SFT2D1: variants seen among roughly 807,000 people sequenced by gnomAD.
SFT2D1 encodes the protein SFT2 domain containing 1, also known as vesicle transport protein SFT2A.
SFT2D1 carries 24 observed loss-of-function variants against 28.1 expected under a neutral mutation model. The observed-to-expected ratio is 0.85, with a 90% CI of 0.62 to 1.20. The LOEUF (loss-of-function observed/expected upper bound fraction) is 1.20, where lower values mean the gene tolerates loss of function less well. Ranked by LOEUF, SFT2D1 falls within the 50% of genes most tolerant of loss-of-function variation. The pLI is 0.00. For synonymous variants in SFT2D1, 82 were observed against 73.7 expected (o/e 1.11, Z -0.58); for missense variants, 181 against 190.9 (o/e 0.95, Z 0.31).
At chr6:166,325,563 C>CTCT (rs562721644) in intron 5 of SFT2D1, among the ~76,000 whole-genome samples, 20 of 152,358 alleles carry the variant, frequency 1.3e-4, no homozygotes, top group African/African-American at 4.8e-4. Flanking sequence ...TTCTGGCCCT[C>CTCT]TCTATTGGTT....
chr6:166,342,314 T>C, intron 1 of SFT2D1, 105 bp downstream of exon 1: 2 of 1,003,504 alleles, frequency 2.0e-6, no homozygotes, highest in Middle Eastern at 3.2e-4. Context: ...GGCAGAGGAG[T>C]CCCAGACCCC....
chr6:166,342,455 G>A lies in SFT2D1; in HGVS notation c.27C>T (p.Ser9=), dbSNP rs1304336620. ...GGCCCTGCTCCTCGTCGTCCTGGCC[G>A]CTCAGGACTCGCCGCAGCTTCTCCA... is the stretch of plus-strand genomic sequence containing the variant. MEKLRRVL[S]GQDDEEQGLT... The change falls in exon 1 of 8, where the codon AGC becomes AGT. Residue 9 remains serine (S), a synonymous_variant. Coordinates refer to ENST00000361731, the MANE Select transcript of SFT2D1 (RefSeq NM_145169.3). 6.4e-7 allele frequency: 1 copy of A among 1,558,826 alleles called. No homozygotes were observed. Among genetic ancestry groups the A allele is most frequent in the Middle Eastern group, 1.7e-4 (1 of 5,996 alleles).
chr6:166,324,258 T>C, intron 6 of SFT2D1: 1 of 330,080 alleles, frequency 3.0e-6, no homozygotes, highest in Non-Finnish European at 5.5e-6. Flanking sequence ...TGGCATCACC[T>C]ACTTTTCTTA....
At chr6:166,322,714 A>C in intron 7 of SFT2D1, 143 bp downstream of exon 7, 2 of 572,852 alleles carry the variant, frequency 3.5e-6, no homozygotes, top group South Asian at 4.4e-5. Flanking sequence ...AAAAAAAAGT[A>C]TGTTTATTTC....
intron 3 of SFT2D1, among the ~76,000 whole-genome samples, chr6:166,328,589 G>A (rs561821591): frequency 2.0e-4 from 31 of 152,276 alleles, no homozygotes; most frequent in Non-Finnish European, 2.9e-5. Flanking sequence ...GTGTTAGTAT[G>A]AAGACCGGAC....
Position 166,324,564 on chromosome 6 carries a change from CA to C in SFT2D1, c.382del (p.Cys128AlafsTer8), listed in dbSNP as rs1778410668. 6.2e-7 allele frequency: 1 copy of C among 1,612,622 alleles called. No individual in the cohort carries two copies. The highest frequency in any genetic ancestry group is 8.5e-7 in the Non-Finnish European group (1 of 1,179,768). ...WHKKGLAVLF[C>X]ILQFLSMTWY... is the part of the protein sequence containing the mutation. ...GGTCATTGACAAGAACTGCAATATG[CA>C]GAATAACACAGCCAGTCCCTTCTTA... On this transcript the variant is annotated frameshift_variant, in exon 6 of 8. Transcript: ENST00000361731. LOFTEE classifies it high-confidence loss of function.
chr6:166,323,076 C>T, intron 6 of SFT2D1, 190 bp from the exon 7 acceptor site: 1 of 490,130 alleles, frequency 2.0e-6, no homozygotes, highest in Non-Finnish European at 3.6e-6. Context: ...TTAGGTCCTA[C>T]CTTAAACCTC....
At chr6:166,337,688 T>C (rs1778683909) in intron 1 of SFT2D1, among the ~76,000 whole-genome samples, 1 of 152,226 alleles carries the variant, frequency 6.6e-6, no homozygotes, top group Non-Finnish European at 1.5e-5. Context: ...TTAAATTGTT[T>C]ATTAGGCATT....
chr6:166,342,204 G>GGT (rs1554263755), intron 1 of SFT2D1, among the ~76,000 whole-genome samples: 1 of 152,132 alleles, frequency 6.6e-6, no homozygotes, highest in Non-Finnish European at 1.5e-5. Context: ...GAGAGTCGGG[G>GGT]GGGGGCCTCA....
intron 1 of SFT2D1, among the ~76,000 whole-genome samples, chr6:166,337,679 TA>T (rs759027928): frequency 2.8e-4 from 42 of 152,182 alleles, no homozygotes; most frequent in Admixed American, 1.1e-3. Context: ...AGAGAGAGCT[TA>T]AATTGTTTAT....
In SFT2D1 at chr6:166,322,807, G is replaced by A. The variant is rs1489576735; in HGVS notation, c.440+50C>T. On this transcript the variant is annotated intron_variant, in intron 7 of 7. Transcript: ENST00000361731. ...AAATTACTTAAATTCATATATTTGT[G>A]TGAAGATAAGTAAAGAACCAGAAAG... 4.8e-6 allele frequency: 7 copies of A among 1,464,678 alleles called. No homozygotes were observed. The East Asian group carries it at 1.1e-4, about 24-fold the overall frequency. The allele number at this position is 1,464,678 out of a possible 1,614,324, so 90.7% of individuals were successfully genotyped here. A position where few individuals can be genotyped will look rare whatever the true frequency, so the allele number is the denominator to read the frequency against.
At position 166,320,178 on chromosome 6, in the gene SFT2D1, A is replaced by G. The variant is rs1439675687; in HGVS notation, c.*39T>C. On this transcript the variant is annotated 3_prime_UTR_variant, in exon 8 of 8. Coordinates refer to ENST00000361731, the MANE Select transcript of SFT2D1 (RefSeq NM_145169.3). ...AAGCAAACTTCACCAAACATAGAGT[A>G]CCAACATTCAAGTGCTCTTTTCCAC... The G allele has an allele frequency of 3.8e-6, 6 of 1,599,228 alleles. No individual in the cohort carries two copies. The highest frequency in any genetic ancestry group is 5.1e-6 in the Non-Finnish European group (6 of 1,169,180).
chr6:166,321,079 C>A (rs1174912282), intron 7 of SFT2D1, among the ~76,000 whole-genome samples: 1 of 151,874 alleles, frequency 6.6e-6, no homozygotes, highest in Non-Finnish European at 1.5e-5. Context: ...CCATTGTACT[C>A]CAGCCTGGGT....
chr6:166,331,267 T>G (rs939666213), intron 1 of SFT2D1: 3 of 152,666 alleles, frequency 2.0e-5, no homozygotes, highest in South Asian at 2.1e-4. Context: ...AAATTTCTAA[T>G]TTATACTACC....
At chr6:166,323,928 C>T (rs533537358) in intron 6 of SFT2D1, 2 of 151,982 alleles carry the variant, frequency 1.3e-5, no homozygotes, top group Admixed American at 6.6e-5. Flanking sequence ...ATCACTTGAA[C>T]CCGGGAGGCA....
chr6:166,332,042 TG>T (rs1184709326), intron 1 of SFT2D1, among the ~76,000 whole-genome samples: 1 of 152,246 alleles, frequency 6.6e-6, no homozygotes, highest in Non-Finnish European at 1.5e-5. Context: ...TTCCGTGTAT[TG>T]ATCTTTAAAA....
chr6:166,340,141 C>T (rs1778749588), intron 1 of SFT2D1, among the ~76,000 whole-genome samples: 1 of 152,244 alleles, frequency 6.6e-6, no homozygotes, highest in Non-Finnish European at 1.5e-5. Context: ...TTTACAGAAT[C>T]TGACCACTTT....
intron 1 of SFT2D1, among the ~76,000 whole-genome samples, chr6:166,332,674 C>T (rs553154125): frequency 2.3e-4 from 35 of 152,318 alleles, no homozygotes; most frequent in African/African-American, 8.2e-4. Context: ...AAAATTGCCA[C>T]CTCTTCCTCT....
chr6:166,338,758 G>T (rs1340759414), intron 1 of SFT2D1, among the ~76,000 whole-genome samples: 2 of 152,114 alleles, frequency 1.3e-5, no homozygotes, highest in Admixed American at 6.5e-5. Context: ...GCTGCAGGAA[G>T]TCAATGAAGG....
Sources: gnomAD v4.1 joint callset for allele counts (sites outside exome capture counted in the v4.1 genomes callset) on GRCh38, gnomAD v4.1.1 for gene constraint, MANE v1.5 for transcripts, NCBI Gene and HGNC (gene_info 2026-07-23, HGNC 2026-07-21) for gene names.